ZNRF3: variants seen among roughly 807,000 people sequenced by gnomAD.
The protein encoded by ZNRF3 is zinc and ring finger 3, also known as E3 ubiquitin-protein ligase ZNRF3.
Under a neutral mutation model 72.5 loss-of-function variants are expected in ZNRF3, and 23 were observed. That is an observed-to-expected ratio of 0.32 (90% CI 0.23 to 0.45). The LOEUF (loss-of-function observed/expected upper bound fraction) is 0.45, where lower values mean the gene tolerates loss of function less well. Among genes scored for constraint, ZNRF3 ranks in the 20% least tolerant of loss-of-function variants. The probability of loss-of-function intolerance (pLI) is 1.00; values close to 1 mark genes in which losing one functional copy is unlikely to be tolerated. For synonymous variants in ZNRF3, 610 were observed against 545.3 expected, an observed-to-expected ratio of 1.12 and a Z score of -1.65; for missense variants, 1,169 against 1,272.1, an observed-to-expected ratio of 0.92 and a Z score of 1.23.
chr22:28,913,574 C>T (rs149595189), intron 1 of ZNRF3, among the ~76,000 whole-genome samples: 6 of 152,240 alleles, frequency 3.9e-5, no homozygotes, highest in African/African-American at 1.4e-4. Flanking sequence ...GGCCTGAACA[C>T]CTTTGAACTG....
chr22:28,896,758 G>T (rs530421458), intron 1 of ZNRF3, among the ~76,000 whole-genome samples: 3 of 152,304 alleles, frequency 2.0e-5, no homozygotes, highest in Non-Finnish European at 4.4e-5. Context: ...TTGCAAGCTT[G>T]ACTTGCAAAG....
intron 1 of ZNRF3, among the ~76,000 whole-genome samples, chr22:28,902,006 G>T (rs1268300664): frequency 1.4e-5 from 2 of 139,072 alleles, no homozygotes; most frequent in Non-Finnish European, 3.0e-5. Context: ...GCATGATCTT[G>T]GCTCACTGCA....
intron 2 of ZNRF3, among the ~76,000 whole-genome samples, chr22:29,035,379 C>T (rs1266416285): frequency 6.6e-6 from 1 of 152,170 alleles, no homozygotes; most frequent in African/African-American, 2.4e-5. Flanking sequence ...ATATAGAAAT[C>T]TGCTACGTGC....
In ZNRF3 at chr22:29,040,449, G is replaced by C. The variant is rs1013869337; in HGVS notation, c.427-2046G>C. ...ACCCGCCTAAGCCTCTCAGAATGCT[G>C]GGATTACAGGCATAAGCCACCATGC... is the stretch of plus-strand genomic sequence containing the variant. On this transcript the variant is annotated intron_variant, in intron 2 of 8. Coordinates refer to ENST00000544604, the MANE Select transcript of ZNRF3 (RefSeq NM_001206998.2). Among the ~76,000 whole-genome samples the C allele has an allele frequency of 2.0e-5, 3 of 151,936 alleles. No individual in the cohort carries two copies. In the East Asian group the frequency reaches 5.8e-4, roughly 29 times the overall value.
chr22:28,940,454 A>T (rs1198380329), intron 1 of ZNRF3, among the ~76,000 whole-genome samples: 1 of 147,246 alleles, frequency 6.8e-6, no homozygotes, highest in East Asian at 2.0e-4. Flanking sequence ...GAAGAGCAGG[A>T]TTCTTTTTGG....
chr22:28,907,149 G>GTTTTTT (rs3884979), intron 1 of ZNRF3, among the ~76,000 whole-genome samples: 1 of 146,906 alleles, frequency 6.8e-6, no homozygotes. Flanking sequence ...CGCCCGTCCA[G>GTTTTTT]TTTTTTTTTT....
At chr22:28,935,134 C>T (rs1045445218) in intron 1 of ZNRF3, among the ~76,000 whole-genome samples, 2 of 152,236 alleles carry the variant, frequency 1.3e-5, no homozygotes, top group Non-Finnish European at 2.9e-5. Context: ...GCCCTGCTTT[C>T]TGGATGTGCT....
At chr22:29,012,940 AG>A (rs2036370353) in intron 2 of ZNRF3, among the ~76,000 whole-genome samples, 1 of 152,224 alleles carries the variant, frequency 6.6e-6, no homozygotes, top group African/African-American at 2.4e-5. Flanking sequence ...GCTCCGTCCC[AG>A]GTTAGCTCCA....
At chr22:29,006,290 C>T (rs891231531) in intron 2 of ZNRF3, among the ~76,000 whole-genome samples, 7 of 149,248 alleles carry the variant, frequency 4.7e-5, no homozygotes, top group Non-Finnish European at 7.4e-5. Flanking sequence ...CTCGGCTCAC[C>T]GCAACCTCCA....
chr22:28,947,133 C>G (rs1047733927), intron 1 of ZNRF3, among the ~76,000 whole-genome samples: 1 of 152,110 alleles, frequency 6.6e-6, no homozygotes, highest in Non-Finnish European at 1.5e-5. Context: ...ATTTTGAATC[C>G]TTTAAATAAG....
chr22:29,045,212 T>C (rs2037043752), intron 5 of ZNRF3, among the ~76,000 whole-genome samples: 1 of 151,798 alleles, frequency 6.6e-6, no homozygotes, highest in Non-Finnish European at 1.5e-5. Flanking sequence ...AATACAAAAA[T>C]TAGCTGGGCA....
At chr22:29,007,150 C>T (rs2036266665) in intron 2 of ZNRF3, among the ~76,000 whole-genome samples, 2 of 152,178 alleles carry the variant, frequency 1.3e-5, no homozygotes, top group African/African-American at 4.8e-5. Flanking sequence ...GGTCATGCAG[C>T]TGGTCTGGGC....
chr22:28,975,396 G>A (rs952039981), intron 1 of ZNRF3, among the ~76,000 whole-genome samples: 1 of 151,902 alleles, frequency 6.6e-6, no homozygotes, highest in Non-Finnish European at 1.5e-5. Context: ...CAGCTACTCG[G>A]GGGGCTGAGG....
Position 29,049,494 on chromosome 22 carries a change from G to T in ZNRF3, c.1313G>T (p.Arg438Leu). The T allele has an allele frequency of 6.2e-7, 1 of 1,604,588 alleles. No homozygotes were observed. Among genetic ancestry groups the T allele is most frequent in the Non-Finnish European group, 8.5e-7 (1 of 1,179,606 alleles). ...GCTCACCGCTGCGGCCTGGAGCACC[G>T]GGCCTACTCCCCAGCCCACCCCTTC... ...LAAHRCGLEH[R>L]AYSPAHPFRR... The change falls in exon 8 of 9, where the codon CGG becomes CTG. Residue 438 changes from arginine to leucine, a missense_variant. By Grantham distance (102) the Arg-to-Leu change is moderately radical. Transcript: ENST00000544604. This position sits in a 1 kb window ranked among gnomAD's most constrained non-coding sequence, Gnocchi z 5.2.
At chr22:29,006,497 C>T (rs1262424721) in intron 2 of ZNRF3, among the ~76,000 whole-genome samples, 1 of 152,160 alleles carries the variant, frequency 6.6e-6, no homozygotes, top group East Asian at 1.9e-4. Context: ...CAGGTGTGAG[C>T]CACCGCACCT....
chr22:28,883,689 C>T lies in ZNRF3; in HGVS notation c.-78C>T. ...CCGCCGTGATGGGGCTGTGAGGCGT[C>T]CGCCCGCGTTCGGTCCTCAGCCGGC... is the stretch of plus-strand genomic sequence containing the variant. On this transcript the variant is annotated 5_prime_UTR_variant, in exon 1 of 9. Coordinates refer to ENST00000544604, the MANE Select transcript of ZNRF3 (RefSeq NM_001206998.2). This position sits in a 1 kb window ranked among gnomAD's most constrained non-coding sequence, Gnocchi z 5.5. 1.0e-6 allele frequency: 1 copy of T among 981,822 alleles called. No homozygotes were observed. Among genetic ancestry groups the T allele is most frequent in the Non-Finnish European group, 1.2e-6 (1 of 827,146 alleles). 60.8% of individuals were successfully genotyped at this position (981,822 alleles called of 1,614,324 possible).
At chr22:28,989,887 G>A (rs1043124017) in intron 2 of ZNRF3, among the ~76,000 whole-genome samples, 11 of 152,330 alleles carry the variant, frequency 7.2e-5, no homozygotes, top group African/African-American at 2.6e-4. Flanking sequence ...CTCTCCAAGA[G>A]TTCAAATAAA....
At chr22:28,976,540 T>A (rs1356076596) in intron 1 of ZNRF3, among the ~76,000 whole-genome samples, 1 of 152,214 alleles carries the variant, frequency 6.6e-6, no homozygotes, top group Non-Finnish European at 1.5e-5. Flanking sequence ...TTTGGAATTT[T>A]TTTTCACTTA....
chr22:29,021,634 C>A (rs886414410), intron 2 of ZNRF3, among the ~76,000 whole-genome samples: 2 of 151,710 alleles, frequency 1.3e-5, no homozygotes, highest in African/African-American at 4.8e-5. Flanking sequence ...ATTACAGGCA[C>A]GCGCCACCAT....
Sources: allele counts gnomAD v4.1 joint callset (sites outside exome capture counted in the v4.1 genomes callset), GRCh38; gene constraint gnomAD v4.1.1; non-coding constraint Gnocchi (gnomAD v3.1); transcripts MANE v1.5; gene names NCBI Gene and HGNC (gene_info 2026-07-23, HGNC 2026-07-21).